The following PPARA variants were observed in gnomAD, a reference collection of about 807,000 sequenced individuals.
PPARA encodes the protein peroxisome proliferator-activated receptor alpha.
In PPARA, 22 loss-of-function variants were observed where a neutral mutation model predicts 42.2. The ratio of observed to expected loss-of-function variants is 0.52; its 90% CI spans 0.37 to 0.74. The LOEUF (loss-of-function observed/expected upper bound fraction) is 0.74. PPARA is among the 30% of genes least tolerant of loss of function. The probability of loss-of-function intolerance (pLI) is 0.00; values close to 1 mark genes in which losing one functional copy is unlikely to be tolerated. For synonymous variants in PPARA, 242 were observed against 239.3 expected (o/e 1.01, Z -0.10); for missense variants, 465 against 608.2 (o/e 0.76, Z 2.48).
chr22:46,178,121 G>A (rs7292112), intron 3 of PPARA, among the ~76,000 whole-genome samples: 2 of 152,140 alleles, frequency 1.3e-5, no homozygotes, highest in Non-Finnish European at 2.9e-5. Flanking sequence ...TCGTAAGGAG[G>A]GGGTAGATTT....
chr22:46,157,688 G>A (rs1925528749), intron 2 of PPARA, among the ~76,000 whole-genome samples: 1 of 152,162 alleles, frequency 6.6e-6, no homozygotes, highest in Non-Finnish European at 1.5e-5. Flanking sequence ...ATAGGGAAGG[G>A]GTATGGTGAA....
At chr22:46,157,398 C>T (rs1925474862) in intron 2 of PPARA, among the ~76,000 whole-genome samples, 1 of 152,134 alleles carries the variant, frequency 6.6e-6, no homozygotes, top group African/African-American at 2.4e-5. Flanking sequence ...GAAATTGTCC[C>T]AGACCTCTGC....
intron 3 of PPARA, among the ~76,000 whole-genome samples, chr22:46,189,703 AT>A (rs1055492161): frequency 1.4e-5 from 2 of 140,980 alleles, no homozygotes; most frequent in Non-Finnish European, 3.1e-5. Flanking sequence ...CTTTCTTTCT[AT>A]TTTTTTTCTT....
rs756414425 is a variant in PPARA at position 46,192,918 on chromosome 22, TA to T, written c.-42-5419del. The stretch of plus-strand genomic sequence containing the variant: ...CATGTTCTCACTTATTTGTGGGCTC[TA>T]AAAATCAAATCACTTGAACTCAGAG... On this transcript the variant is annotated intron_variant, in intron 3 of 8. Coordinates refer to ENST00000407236, the MANE Select transcript of PPARA (RefSeq NM_005036.6). The surrounding 1 kb of genome is among the most constrained non-coding windows in gnomAD (Gnocchi z 4.3). Among the ~76,000 whole-genome samples, 19 of 152,188 alleles carry T rather than the reference TA, an allele frequency of 1.2e-4. No homozygotes were observed. Among genetic ancestry groups the T allele is most frequent in the Non-Finnish European group, 8.8e-5 (6 of 68,036 alleles).
rs932275346 is a variant in PPARA, at chr22:46,184,976, C to T, written c.-43+8140C>T. ...CTGGAATTTCCCAGTGAGTGACCATCTGTGTGTGTGTATTCATCCATTCCA... is the reference window on the plus strand; with the variant it reads ...CTGGAATTTCCCAGTGAGTGACCATTTGTGTGTGTGTATTCATCCATTCCA... On this transcript the variant is annotated intron_variant, in intron 3 of 8. Transcript: ENST00000407236. This position sits in a 1 kb window ranked among gnomAD's most constrained non-coding sequence, Gnocchi z 4.4. Among the ~76,000 whole-genome samples the T allele has an allele frequency of 6.6e-6, 1 of 152,186 alleles. No individual in the cohort carries two copies. The highest frequency in any genetic ancestry group is 2.4e-5 in the African/African-American group (1 of 41,450).
In PPARA at chr22:46,196,968, A is replaced by C. The variant is rs1932314515; in HGVS notation, c.-42-1374A>C. ...CAACTCCTGACCTCGTGATCTGCCC[A>C]CCTGGGCCTCCCAAAGTGCTGGGAT... On this transcript the variant is annotated intron_variant, in intron 3 of 8. Coordinates refer to ENST00000407236, the MANE Select transcript of PPARA (RefSeq NM_005036.6). The surrounding 1 kb of genome is among the most constrained non-coding windows in gnomAD (Gnocchi z 5.6). 6.6e-6 allele frequency among the ~76,000 whole-genome samples: 1 copy of C among 151,690 alleles called. No individual in the cohort carries two copies. Among genetic ancestry groups the C allele is most frequent in the Non-Finnish European group, 1.5e-5 (1 of 67,962 alleles).
chr22:46,189,862 A>G (rs1181763680), intron 3 of PPARA, among the ~76,000 whole-genome samples: 3 of 152,012 alleles, frequency 2.0e-5, no homozygotes, highest in South Asian at 2.1e-4. Flanking sequence ...ACGTGCCACC[A>G]CGCCCAGCTA....
In PPARA at chr22:46,156,962, GCTCTTA is replaced by G; in HGVS notation, c.-127+4996_-127+5001del. Among the ~76,000 whole-genome samples the G allele has an allele frequency of 6.6e-6, 1 of 152,166 alleles. No individual in the cohort carries two copies. The highest frequency in any genetic ancestry group is 1.9e-4 in the East Asian group (1 of 5,186). The stretch of plus-strand genomic sequence containing the variant: ...TTTGGCAGGGCTATACCTTGTGTTT[GCTCTTA>G]CTCCAACTCCATGGCATACCTGGAC... On this transcript the variant is annotated intron_variant, in intron 2 of 8. Transcript: ENST00000407236. This position sits in a 1 kb window ranked among gnomAD's most constrained non-coding sequence, Gnocchi z 5.2.
Position 46,232,220 on chromosome 22 carries a change from T to C in PPARA, c.1140T>C (p.Ala380=). Residue 380 remains alanine (A), a synonymous_variant, in exon 8 of 9, where the codon GCT becomes GCC. Transcript: ENST00000407236. The surrounding 1 kb of genome is among the most constrained non-coding windows in gnomAD (Gnocchi z 5.3). The part of the protein sequence containing the change: ...LDDSDISLFV[A]AIICCGDRPG... ...ACAGTGATATCTCCCTTTTTGTGGC[T>C]GCTATCATTTGCTGTGGAGGTGAGT... is the stretch of plus-strand genomic sequence containing the variant. 6.2e-7 allele frequency: 1 copy of C among 1,614,174 alleles called. No homozygotes were observed. The highest frequency in any genetic ancestry group is 8.5e-7 in the Non-Finnish European group (1 of 1,180,030).
chr22:46,185,917 ATATATATATATATATATATATAT>A (rs1292327853), intron 3 of PPARA, among the ~76,000 whole-genome samples: 221 of 10,106 alleles, frequency 0.022, 26 homozygotes, highest in African/African-American at 0.063. Context: ...AAAAAAAAAA[ATATATATATATATATATATATAT>A]ATATATATAT....
rs1239368341 is a variant in PPARA at position 46,219,179 on chromosome 22, A to G, written c.509-633A>G. 6.6e-6 allele frequency among the ~76,000 whole-genome samples: 1 copy of G among 152,156 alleles called. No individual in the cohort carries two copies. The highest frequency in any genetic ancestry group is 1.9e-4 in the East Asian group (1 of 5,198). The stretch of plus-strand genomic sequence containing the variant: ...TCCGTCTCAAAAAAAAAGAAAAAAA[A>G]AGAAAAAGTCTCAAATAGCTGAGAT... On this transcript the variant is annotated intron_variant, in intron 6 of 8. Coordinates refer to ENST00000407236, the MANE Select transcript of PPARA (RefSeq NM_005036.6). This position sits in a 1 kb window ranked among gnomAD's most constrained non-coding sequence, Gnocchi z 4.8.
rs1447523992 is a variant in PPARA at position 46,161,856 on chromosome 22, C to A, written c.-127+9886C>A. 6.6e-6 allele frequency among the ~76,000 whole-genome samples: 1 copy of A among 152,130 alleles called. No individual in the cohort carries two copies. Among genetic ancestry groups the A allele is most frequent in the African/African-American group, 2.4e-5 (1 of 41,432 alleles). On this transcript the variant is annotated intron_variant, in intron 2 of 8. Transcript: ENST00000407236. The surrounding 1 kb of genome is among the most constrained non-coding windows in gnomAD (Gnocchi z 4.8). ...CCTGCGCTTTTCTGGATGCCCCCACCCCCTCTGGCTCCACGAGGCCCCCTG... is the reference window on the plus strand; with the variant it reads ...CCTGCGCTTTTCTGGATGCCCCCACACCCTCTGGCTCCACGAGGCCCCCTG...
At chr22:46,155,004 A>G (rs1424841231) in intron 2 of PPARA, 1 of 138,542 alleles carries the variant, frequency 7.2e-6, no homozygotes, top group African/African-American at 3.0e-5. Context: ...AAAAAAAAAA[A>G]AAAAAAAAAA....
In PPARA at chr22:46,216,966, C is replaced by T. The variant is rs1283092824; in HGVS notation, c.370-1297C>T. Among the ~76,000 whole-genome samples the T allele has an allele frequency of 6.6e-6, 1 of 152,172 alleles. No individual in the cohort carries two copies. The highest frequency in any genetic ancestry group is 1.5e-5 in the Non-Finnish European group (1 of 68,038). The stretch of plus-strand genomic sequence containing the variant: ...TCTCACGGTGCACGCTGCAGGTGTT[C>T]ACTAACTTGGAAAATGCCACCGCCT... On this transcript the variant is annotated intron_variant, in intron 5 of 8. Transcript: ENST00000407236. The surrounding 1 kb of genome is among the most constrained non-coding windows in gnomAD (Gnocchi z 4.5).
intron 4 of PPARA, among the ~76,000 whole-genome samples, chr22:46,205,540 A>T (rs1414823251): frequency 3.6e-5 from 1 of 28,058 alleles, no homozygotes; most frequent in Non-Finnish European, 6.3e-5. Context: ...ATATATATAT[A>T]TATATATATA....
Position 46,190,381 on chromosome 22 carries a change from G to A in PPARA, c.-42-7961G>A, listed in dbSNP as rs1002581110. On this transcript the variant is annotated intron_variant, in intron 3 of 8. Coordinates refer to ENST00000407236, the MANE Select transcript of PPARA (RefSeq NM_005036.6). This position sits in a 1 kb window ranked among gnomAD's most constrained non-coding sequence, Gnocchi z 5.6. ...GTGGTTACAATACAGTAAATTAGAG[G>A]GAGTAGTACAGAAGCATAAGCAGTC... Among the ~76,000 whole-genome samples, 2 of 152,134 alleles carry A rather than the reference G, an allele frequency of 1.3e-5. No individual in the cohort carries two copies. The highest frequency in any genetic ancestry group is 1.3e-4 in the Admixed American group (2 of 15,270).
chr22:46,183,452 G>A lies in PPARA; in HGVS notation c.-43+6616G>A, dbSNP rs537393292. Among the ~76,000 whole-genome samples the A allele has an allele frequency of 2.0e-4, 31 of 152,338 alleles. No individual in the cohort carries two copies. The highest frequency in any genetic ancestry group is 7.2e-4 in the African/African-American group (30 of 41,586). On this transcript the variant is annotated intron_variant, in intron 3 of 8. Coordinates refer to ENST00000407236, the MANE Select transcript of PPARA (RefSeq NM_005036.6). This position sits in a 1 kb window ranked among gnomAD's most constrained non-coding sequence, Gnocchi z 5.5. ...TAACTTGTGAGTAATTCAGAATCTG[G>A]ATTATCAGGTCAGGCTCAATGGCTC...
chr22:46,232,511 G>A lies in PPARA; in HGVS notation c.1159+272G>A, dbSNP rs1356536719. On this transcript the variant is annotated intron_variant, in intron 8 of 8. Transcript: ENST00000407236. This position sits in a 1 kb window ranked among gnomAD's most constrained non-coding sequence, Gnocchi z 5.3. ...ATTTTAATCATAATATTAGCCAGGT[G>A]TGGGGGTGCACACCTTTAGTCCCAG... 4.6e-4 allele frequency among the ~76,000 whole-genome samples: 70 copies of A among 152,062 alleles called. No homozygotes were observed. Among genetic ancestry groups the A allele is most frequent in the Admixed American group, 4.5e-3 (69 of 15,270 alleles).
Position 46,231,289 on chromosome 22 carries a change from G to A in PPARA, c.712-503G>A, listed in dbSNP as rs959183278. Among the ~76,000 whole-genome samples, 1 of 151,872 alleles carries A rather than the reference G, an allele frequency of 6.6e-6. No individual in the cohort carries two copies. Among genetic ancestry groups the A allele is most frequent in the Non-Finnish European group, 1.5e-5 (1 of 67,986 alleles). On this transcript the variant is annotated intron_variant, in intron 7 of 8. Coordinates refer to ENST00000407236, the MANE Select transcript of PPARA (RefSeq NM_005036.6). The surrounding 1 kb of genome is among the most constrained non-coding windows in gnomAD (Gnocchi z 7.7). Reference sequence around the variant, plus strand: ...GCTGGAGTGCAGTGGCGCAATGTCGGCTCACTGCAAGCTCTGCCTCCTGGG... The same window carrying A: ...GCTGGAGTGCAGTGGCGCAATGTCGACTCACTGCAAGCTCTGCCTCCTGGG...
Sources: allele counts gnomAD v4.1 joint callset (sites outside exome capture counted in the v4.1 genomes callset), GRCh38; gene constraint gnomAD v4.1.1; non-coding constraint Gnocchi (gnomAD v3.1); transcripts MANE v1.5; gene names NCBI Gene and HGNC (gene_info 2026-07-23, HGNC 2026-07-21).